The following ABCC5 variants were observed in gnomAD, a reference collection of about 807,000 sequenced individuals.
ABCC5 encodes ATP binding cassette subfamily C member 5, also known as ATP-binding cassette sub-family C member 5.
A neutral mutation model predicts 160.9 loss-of-function variants in ABCC5; 61 were observed. That is an observed-to-expected ratio of 0.38 (90% CI 0.31 to 0.47). The LOEUF is 0.47. Ranked by LOEUF, ABCC5 falls within the 20% of genes least tolerant of loss-of-function variation. The pLI is 0.99. For synonymous variants in ABCC5, 666 were observed against 700.6 expected (o/e 0.95, Z 0.78); for missense variants, 1,308 against 1,813.3 (o/e 0.72, Z 5.06).
At chr3:183,959,073 A>ACG in intron 17 of ABCC5, among the ~76,000 whole-genome samples, 1 of 151,774 alleles carries the variant, frequency 6.6e-6, no homozygotes, top group East Asian at 1.9e-4. Context: ...ACACACACAC[A>ACG]CACACACACA....
chr3:183,923,545 C>A (rs1235857826), intron 29 of ABCC5, among the ~76,000 whole-genome samples: 5 of 152,172 alleles, frequency 3.3e-5, no homozygotes, highest in Non-Finnish European at 5.9e-5. Context: ...ATCGCTTGAA[C>A]CCCGGAGGCG....
At chr3:183,925,077 A>G (rs1712397317) in intron 29 of ABCC5, among the ~76,000 whole-genome samples, 1 of 152,240 alleles carries the variant, frequency 6.6e-6, no homozygotes, top group Admixed American at 6.5e-5. Context: ...CAGGGTAAGA[A>G]GTTTGGTGCC....
intron 2 of ABCC5, among the ~76,000 whole-genome samples, chr3:183,996,132 T>C (rs1353170331): frequency 6.6e-6 from 1 of 152,174 alleles, no homozygotes; most frequent in Non-Finnish European, 1.5e-5. Context: ...ACATCTTTGA[T>C]GTTTGAGAAG....
chr3:183,935,736 A>G (rs938111065), intron 26 of ABCC5, among the ~76,000 whole-genome samples: 1 of 151,034 alleles, frequency 6.6e-6, no homozygotes, highest in Non-Finnish European at 1.5e-5. Context: ...TCCTGACCTC[A>G]GGTGATCCGC....
intron 28 of ABCC5, among the ~76,000 whole-genome samples, chr3:183,926,171 G>A (rs1195100654): frequency 7.2e-6 from 1 of 138,726 alleles, no homozygotes; most frequent in Non-Finnish European, 1.5e-5. Context: ...AAGAAAGCAC[G>A]CATATATGTA....
intron 17 of ABCC5, among the ~76,000 whole-genome samples, chr3:183,956,209 C>T (rs1715924333): frequency 6.8e-6 from 1 of 147,050 alleles, no homozygotes; most frequent in Non-Finnish European, 1.5e-5. Flanking sequence ...CGGTTACATG[C>T]AGATCCGTGT....
chr3:184,006,570 A>C (rs1721229363), intron 2 of ABCC5: 2 of 152,218 alleles, frequency 1.3e-5, no homozygotes, highest in Non-Finnish European at 2.9e-5. Flanking sequence ...GTACTAGACA[A>C]AACTATTTTA....
In ABCC5 at chr3:183,994,893, G is replaced by A. The variant is rs1399879465; in HGVS notation, c.130-5510C>T. Among the ~76,000 whole-genome samples, 6 of 118,114 alleles carry A rather than the reference G, an allele frequency of 5.1e-5. No individual in the cohort carries two copies. In the East Asian group the frequency reaches 1.2e-3, roughly 24 times the overall value. The allele number at this position is 118,114 out of a possible 152,430, so 77.5% of individuals were successfully genotyped here. ...TTTTTTTAAGACAAGGTCTTGCTCT[G>A]TTGCCCAGGCTGGGAGTGCAATGGC... On this transcript the variant is annotated intron_variant, in intron 2 of 29. Coordinates refer to ENST00000334444, the MANE Select transcript of ABCC5 (RefSeq NM_005688.4).
chr3:183,972,840 T>C (rs903583353), intron 10 of ABCC5, among the ~76,000 whole-genome samples: 16 of 152,046 alleles, frequency 1.1e-4, no homozygotes, highest in African/African-American at 3.9e-4. Flanking sequence ...GAGATGGGGT[T>C]TCACTATGTT....
At chr3:183,965,054 A>G in intron 14 of ABCC5, 131 bp downstream of exon 14, 1 of 848,658 alleles carries the variant, frequency 1.2e-6, no homozygotes, top group Non-Finnish European at 1.9e-6. Flanking sequence ...CTTTCCTAAC[A>G]CAAAGGCCTA....
chr3:183,970,732 C>T (rs1717663585), intron 11 of ABCC5, among the ~76,000 whole-genome samples: 1 of 152,180 alleles, frequency 6.6e-6, no homozygotes, highest in Admixed American at 6.5e-5. Context: ...CCACCATGCC[C>T]AGCCTCTGTC....
Position 183,971,789 on chromosome 3 carries a change from A to C in ABCC5, c.1535T>G (p.Leu512Arg). The C allele has an allele frequency of 6.2e-7, 1 of 1,614,158 alleles. No individual in the cohort carries two copies. The highest frequency in any genetic ancestry group is 2.2e-5 in the East Asian group (1 of 44,868). ...SHSSIQNSPK[L>R]TPKMKKDKRA... The stretch of plus-strand genomic sequence containing the variant: ...CTTGTCTTTTTTCATTTTGGGGGTC[A>C]GCTTGGGCGAGTTCTGGATACTGGA... The change falls in exon 11 of 30, where the codon CTG becomes CGG. Residue 512 changes from leucine to arginine, a missense_variant. This residue lies in a region of ABCC5 where 1,142 missense variants were observed against 1,527.1 expected (regional missense o/e 0.75). Coordinates refer to ENST00000334444, the MANE Select transcript of ABCC5 (RefSeq NM_005688.4).
intron 2 of ABCC5, among the ~76,000 whole-genome samples, chr3:184,010,298 A>C (rs539045868): frequency 5.2e-4 from 79 of 151,912 alleles, no homozygotes; most frequent in Admixed American, 3.6e-3. Context: ...AAGTTTAGGA[A>C]ACATGAAAGA....
chr3:183,962,086 G>A (rs934616765), intron 15 of ABCC5, among the ~76,000 whole-genome samples: 1 of 152,092 alleles, frequency 6.6e-6, no homozygotes, highest in African/African-American at 2.4e-5. Flanking sequence ...TCGGGGGAGA[G>A]GTACACAGAT....
chr3:183,947,173 T>C (rs1422518702), intron 23 of ABCC5, 151 bp downstream of exon 23: 2 of 805,492 alleles, frequency 2.5e-6, no homozygotes, highest in African/African-American at 1.8e-5. Flanking sequence ...CAAATCCAGA[T>C]TGTTACGGTC....
chr3:184,002,957 C>T (rs4148570), intron 2 of ABCC5, among the ~76,000 whole-genome samples: 16,923 of 152,156 alleles, frequency 0.11, 1,234 homozygotes, highest in East Asian at 0.34. Flanking sequence ...TCAAATAAAG[C>T]GGTATCTGGG....
At chr3:184,013,234 T>C (rs1721901382) in intron 2 of ABCC5, among the ~76,000 whole-genome samples, 1 of 152,182 alleles carries the variant, frequency 6.6e-6, no homozygotes, top group Admixed American at 6.5e-5. Flanking sequence ...TCTGAGTCTC[T>C]CCAAAGGATT....
intron 10 of ABCC5, among the ~76,000 whole-genome samples, chr3:183,972,740 G>A (rs1717878235): frequency 6.6e-6 from 1 of 152,094 alleles, no homozygotes; most frequent in African/African-American, 2.4e-5. Flanking sequence ...CACCTCCCAG[G>A]TTCAAGAGAT....
At position 183,995,901 on chromosome 3, in the gene ABCC5, G is replaced by A. The variant is rs571015349; in HGVS notation, c.130-6518C>T. Among the ~76,000 whole-genome samples the A allele has an allele frequency of 3.9e-5, 6 of 151,956 alleles. No homozygotes were observed. In the South Asian group the frequency reaches 6.3e-4, roughly 16 times the overall value. ...AAGCTCACTGCAAGCTCCGCCTCCC[G>A]GGTTCACTCCATTCTCCTGCCTCAG... On this transcript the variant is annotated intron_variant, in intron 2 of 29. Coordinates refer to ENST00000334444, the MANE Select transcript of ABCC5 (RefSeq NM_005688.4).
Sources: allele counts gnomAD v4.1 joint callset (sites outside exome capture counted in the v4.1 genomes callset), GRCh38; gene constraint gnomAD v4.1.1; regional missense constraint gnomAD v4.1.1; transcripts MANE v1.5; gene names NCBI Gene and HGNC (gene_info 2026-07-23, HGNC 2026-07-21).